Variants in ERG observed in about 807,000 individuals in gnomAD.
ERG encodes transcriptional regulator ERG.
ERG carries 9 observed loss-of-function variants against 55.3 expected under a neutral mutation model. That is an observed-to-expected ratio of 0.16 (90% CI 0.10 to 0.28). ERG has a LOEUF of 0.28. Ranked by LOEUF, ERG falls within the 10% of genes least tolerant of loss-of-function variation. The pLI is 1.00. For synonymous variants in ERG, 223 were observed against 237.3 expected (o/e 0.94, Z 0.55); for missense variants, 434 against 631.6 (o/e 0.69, Z 3.35).
At chr21:38,432,426 C>T (rs914840724) in intron 2 of ERG, among the ~76,000 whole-genome samples, 3 of 152,132 alleles carry the variant, frequency 2.0e-5, no homozygotes, top group African/African-American at 7.2e-5. Flanking sequence ...TCAAATTTAC[C>T]AACACTAAAT....
At chr21:38,369,877 TC>T in the ERG span, among the ~76,000 whole-genome samples, 5 of 152,216 alleles carry the variant, frequency 3.3e-5, no homozygotes, top group Non-Finnish European at 5.9e-5. Flanking sequence ...GAACAGGGAA[TC>T]CTTTCCCCAT....
intron 1 of ERG, among the ~76,000 whole-genome samples, chr21:38,606,376 C>T (rs1296282971): frequency 6.6e-6 from 1 of 152,084 alleles, no homozygotes; most frequent in East Asian, 1.9e-4. Context: ...AGGGCTCTGG[C>T]AGAAGCAAAA....
At chr21:38,516,347 A>G (rs1183242577) in intron 2 of ERG, among the ~76,000 whole-genome samples, 1 of 151,972 alleles carries the variant, frequency 6.6e-6, no homozygotes, top group Non-Finnish European at 1.5e-5. Flanking sequence ...GAAAGAAATC[A>G]AGAAGAAAAT....
At chr21:38,449,945 G>A (rs1360373697) in intron 1 of ERG, among the ~76,000 whole-genome samples, 1 of 152,168 alleles carries the variant, frequency 6.6e-6, no homozygotes, top group Non-Finnish European at 1.5e-5. Flanking sequence ...AAATTAGGAA[G>A]ATGGCCAGAA....
At chr21:38,658,115 TG>T (rs1418916665) in intron 1 of ERG, among the ~76,000 whole-genome samples, 3 of 152,128 alleles carry the variant, frequency 2.0e-5, no homozygotes, top group African/African-American at 7.2e-5. Flanking sequence ...CCTTACACAC[TG>T]GGGAAGGAAA....
intron 1 of ERG, among the ~76,000 whole-genome samples, chr21:38,578,716 G>C (rs1291760221): frequency 2.0e-5 from 3 of 152,114 alleles, no homozygotes; most frequent in Non-Finnish European, 4.4e-5. Context: ...AGACATGGGA[G>C]GGAGGCAACC....
intron 3 of ERG, among the ~76,000 whole-genome samples, chr21:38,417,706 T>C (rs544169408): frequency 6.6e-6 from 1 of 152,210 alleles, no homozygotes; most frequent in East Asian, 1.9e-4. Context: ...GGAGAATTGC[T>C]TGAACCCAGG....
intron 6 of ERG, among the ~76,000 whole-genome samples, chr21:38,398,717 A>G (rs1452712999): frequency 6.6e-6 from 1 of 152,146 alleles, no homozygotes; most frequent in African/African-American, 2.4e-5. Context: ...CTAAAATGTG[A>G]AAACAAAGCA....
the ERG span, among the ~76,000 whole-genome samples, chr21:38,372,426 C>T: frequency 1.3e-5 from 2 of 151,542 alleles, no homozygotes; most frequent in Non-Finnish European, 2.9e-5. Flanking sequence ...AAAATGGATG[C>T]TTAGTTTACT....
In ERG at chr21:38,545,637, A is replaced by G. The variant is rs375418031; in HGVS notation, c.-41+30025T>C. Reference sequence around the variant, plus strand: ...CCCTTGTATTAACAAAAGTTAATTGAGTCAGTACGGTGCTACAATTCTCAG... The same window carrying G: ...CCCTTGTATTAACAAAAGTTAATTGGGTCAGTACGGTGCTACAATTCTCAG... On this transcript the variant is annotated intron_variant, in intron 2 of 8. Coordinates refer to the ERG transcript ENST00000398897. Among the ~76,000 whole-genome samples, 59 of 152,358 alleles carry G rather than the reference A, an allele frequency of 3.9e-4. 3 individuals are homozygous for G. The East Asian group carries it at 7.5e-3, about 19-fold the overall frequency.
At chr21:38,461,009 A>C (rs1337142207) in intron 1 of ERG, among the ~76,000 whole-genome samples, 4 of 152,188 alleles carry the variant, frequency 2.6e-5, no homozygotes, top group African/African-American at 9.7e-5. Context: ...AATTTTCCTC[A>C]AGGAAGCAGC....
At chr21:38,468,617 G>A (rs186875521) in intron 1 of ERG, among the ~76,000 whole-genome samples, 1 of 152,190 alleles carries the variant, frequency 6.6e-6, no homozygotes, top group Non-Finnish European at 1.5e-5. Flanking sequence ...AATGCCAGGG[G>A]AGCCTTCACC....
At chr21:38,407,966 T>C (rs1182902966) in intron 3 of ERG, among the ~76,000 whole-genome samples, 1 of 150,854 alleles carries the variant, frequency 6.6e-6, no homozygotes, top group East Asian at 1.9e-4. Flanking sequence ...TTTATAAAAT[T>C]GCTGTCAAGA....
intron 1 of ERG, among the ~76,000 whole-genome samples, chr21:38,466,795 C>A (rs1006864919): frequency 1.6e-4 from 25 of 152,100 alleles, no homozygotes; most frequent in Admixed American, 1.6e-3. Context: ...AGGGTGGGAG[C>A]CCCAAACTGT....
intron 5 of ERG, 42 bp from the exon 6 acceptor site, chr21:38,400,687 T>C: frequency 6.7e-7 from 1 of 1,502,774 alleles, no homozygotes; most frequent in Non-Finnish European, 9.2e-7. Flanking sequence ...GGTCTTTTGT[T>C]GTGGTTGTCG....
chr21:38,585,898 G>A (rs1395705388), upstream of ERG, among the ~76,000 whole-genome samples: 1 of 150,632 alleles, frequency 6.6e-6, no homozygotes. Context: ...ACATTACTGG[G>A]GGAAAAAAAT....
chr21:38,497,828 T>C (rs943637762), intron 1 of ERG, among the ~76,000 whole-genome samples: 3 of 152,194 alleles, frequency 2.0e-5, no homozygotes, highest in South Asian at 2.1e-4. Flanking sequence ...GAGCACTCAG[T>C]TCTCAGCGTG....
intron 1 of ERG, among the ~76,000 whole-genome samples, chr21:38,615,984 G>A (rs1169879757): frequency 2.0e-5 from 3 of 152,096 alleles, no homozygotes; most frequent in African/African-American, 7.2e-5. Flanking sequence ...ATCTCAATTT[G>A]TAATCCCCAC....
intron 1 of ERG, among the ~76,000 whole-genome samples, chr21:38,631,964 C>T (rs1455539940): frequency 6.6e-6 from 1 of 152,014 alleles, no homozygotes; most frequent in African/African-American, 2.4e-5. Context: ...AGTCGTTGCT[C>T]AAGGTCTAAA....
Sources: gnomAD v4.1 joint callset for allele counts (sites outside exome capture counted in the v4.1 genomes callset) on GRCh38, gnomAD v4.1.1 for gene constraint, MANE v1.5 for transcripts, NCBI Gene and HGNC (gene_info 2026-07-23, HGNC 2026-07-21) for gene names.